Variants in KYAT1 observed in about 807,000 individuals in gnomAD.
KYAT1 encodes kynurenine aminotransferase 1.
A neutral mutation model predicts 52.4 loss-of-function variants in KYAT1; 47 were observed. That is an observed-to-expected ratio of 0.90 (90% CI 0.71 to 1.14). The LOEUF is 1.14. Ranked by LOEUF, KYAT1 falls within the 50% of genes most tolerant of loss-of-function variation. The pLI is 0.00. For missense variants in KYAT1, 480 were observed against 557.9 expected (o/e 0.86, Z 1.41); for synonymous variants, 212 against 209.6 (o/e 1.01, Z -0.10).
intron 1 of KYAT1, among the ~76,000 whole-genome samples, chr9:128,862,950 G>A (rs750304839): frequency 4.6e-5 from 7 of 151,988 alleles, no homozygotes; most frequent in African/African-American, 7.3e-5. Context: ...TCAGCCTCCC[G>A]AGTGGCTGGG....
intron 7 of KYAT1, 125 bp downstream of exon 7, chr9:128,836,677 G>A (rs976866048): frequency 1.8e-6 from 2 of 1,131,826 alleles, no homozygotes; most frequent in East Asian, 2.4e-5. Flanking sequence ...GGGAGGCAAA[G>A]GTCACAGGAT....
At chr9:128,872,515 C>T (rs1317064904) in intron 1 of KYAT1, among the ~76,000 whole-genome samples, 2 of 151,768 alleles carry the variant, frequency 1.3e-5, no homozygotes, top group East Asian at 1.9e-4. Context: ...TGCCTGTAAT[C>T]CCAGCACTTT....
chr9:128,837,032 G>A (rs2997903), intron 6 of KYAT1, 110 bp from the exon 7 acceptor site: 125,786 of 1,389,500 alleles, frequency 0.091, 5,963 homozygotes, highest in East Asian at 0.13. Flanking sequence ...GGTGGCTCAC[G>A]CCTGTAATCC....
intron 11 of KYAT1, 55 bp from the exon 12 acceptor site, chr9:128,833,881 G>T: frequency 6.9e-7 from 1 of 1,451,182 alleles, no homozygotes; most frequent in Non-Finnish European, 9.7e-7. Context: ...GCAGGCCTTG[G>T]CTCCGGAGGG....
At chr9:128,850,935 A>G (rs1833877703) in intron 1 of KYAT1, among the ~76,000 whole-genome samples, 1 of 152,244 alleles carries the variant, frequency 6.6e-6, no homozygotes, top group Admixed American at 6.5e-5. Context: ...ATGCAGGCAT[A>G]GTACCTCCCC....
At chr9:128,839,263 C>T (rs1831703972) in intron 3 of KYAT1, among the ~76,000 whole-genome samples, 1 of 152,114 alleles carries the variant, frequency 6.6e-6, no homozygotes, top group South Asian at 2.1e-4. Flanking sequence ...CGTGCCTGGC[C>T]TGATGCCCAC....
At chr9:128,870,416 C>G (rs542522534) in intron 1 of KYAT1, among the ~76,000 whole-genome samples, 13 of 152,212 alleles carry the variant, frequency 8.5e-5, no homozygotes, top group African/African-American at 3.1e-4. Flanking sequence ...GGAAGGCTGA[C>G]GTGGGAGGAT....
rs1215121665 is a variant in KYAT1 at position 128,845,339 on chromosome 9, C to A, written c.53+14G>T. 4 of 1,613,124 alleles carry A rather than the reference C, an allele frequency of 2.5e-6. No individual in the cohort carries two copies. Among genetic ancestry groups the A allele is most frequent in the Non-Finnish European group, 2.5e-6 (3 of 1,179,612 alleles). ...AGGGGACACCCACACACCTCCCCAG[C>A]CCAGCTGGCTCACCAGGGGTTGTAG... On this transcript the variant is annotated intron_variant, in intron 2 of 12. Transcript: ENST00000302586.
intron 1 of KYAT1, among the ~76,000 whole-genome samples, chr9:128,874,524 T>C (rs1408242637): frequency 6.6e-6 from 1 of 151,534 alleles, no homozygotes; most frequent in Admixed American, 6.6e-5. Flanking sequence ...TTGCTTAGGC[T>C]GATGTTGAAC....
intron 1 of KYAT1, among the ~76,000 whole-genome samples, chr9:128,854,708 G>A (rs1834384633): frequency 6.6e-6 from 1 of 152,206 alleles, no homozygotes; most frequent in African/African-American, 2.4e-5. Context: ...CTGGGCCTAT[G>A]TGCCTTTCCC....
chr9:128,865,762 A>T (rs1836284795), intron 1 of KYAT1, among the ~76,000 whole-genome samples: 1 of 152,144 alleles, frequency 6.6e-6, no homozygotes, highest in Admixed American at 6.6e-5. Context: ...AATTTGGTCC[A>T]GTGGCTCACA....
chr9:128,875,723 T>C (rs1030787000), intron 1 of KYAT1, among the ~76,000 whole-genome samples: 3 of 152,186 alleles, frequency 2.0e-5, no homozygotes, highest in Admixed American at 6.5e-5. Context: ...ATGGGGACCA[T>C]AGCTGTGCCG....
intron 1 of KYAT1, 61 bp from the exon 2 acceptor site, chr9:128,845,472 T>C (rs1038209168): frequency 1.3e-6 from 2 of 1,516,750 alleles, no homozygotes; most frequent in East Asian, 2.2e-5. Context: ...AGTCCGAGCT[T>C]GCACACAGGA....
In KYAT1 at chr9:128,855,594, A is replaced by G. The variant is rs142153391; in HGVS notation, c.-6-10183T>C. Reference sequence around the variant, plus strand: ...GTAGGAAACATAGTTATTAAACCAGATTCCCAAACTATAACCTGTGAAAAT... The same window carrying G: ...GTAGGAAACATAGTTATTAAACCAGGTTCCCAAACTATAACCTGTGAAAAT... On this transcript the variant is annotated intron_variant, in intron 1 of 12. Transcript: ENST00000302586. Among the ~76,000 whole-genome samples, 654 of 152,358 alleles carry G rather than the reference A, an allele frequency of 4.3e-3. 3 individuals carry two copies. The highest frequency in any genetic ancestry group is 0.014 in the African/African-American group (584 of 41,602).
intron 1 of KYAT1, among the ~76,000 whole-genome samples, chr9:128,856,006 TGA>T (rs1381645136): frequency 6.6e-6 from 1 of 152,212 alleles, no homozygotes; most frequent in Non-Finnish European, 1.5e-5. Flanking sequence ...GTCATTTGAA[TGA>T]GAGATAGGCT....
chr9:128,877,419 TG>T (rs1428740024), intron 1 of KYAT1, among the ~76,000 whole-genome samples: 2 of 152,154 alleles, frequency 1.3e-5, no homozygotes, highest in Non-Finnish European at 2.9e-5. Flanking sequence ...TCATCACAGC[TG>T]ATTAGGATGG....
chr9:128,835,694 T>G, intron 9 of KYAT1, 27 bp from the exon 10 acceptor site: 1 of 1,608,132 alleles, frequency 6.2e-7, no homozygotes, highest in Non-Finnish European at 8.5e-7. Flanking sequence ...GACACACAGA[T>G]AGATCAGCTG....
chr9:128,868,773 T>C lies in KYAT1; in HGVS notation c.-7+13124A>G, dbSNP rs564497788. 4.6e-4 allele frequency among the ~76,000 whole-genome samples: 70 copies of C among 151,054 alleles called. 2 individuals are homozygous for C. In the South Asian group the frequency reaches 0.014, roughly 31 times the overall value. On this transcript the variant is annotated intron_variant, in intron 1 of 12. Coordinates refer to ENST00000302586, the MANE Select transcript of KYAT1 (RefSeq NM_004059.5). ...CAGGCTAGAGTGCTGTGGCACGATC[T>C]TGGCTCACTACAACCTCTGCCTCTG...
intron 2 of KYAT1, among the ~76,000 whole-genome samples, chr9:128,843,297 A>AG (rs1832527161): frequency 6.6e-6 from 1 of 152,176 alleles, no homozygotes; most frequent in Admixed American, 6.5e-5. Flanking sequence ...CATTGAGATT[A>AG]GGTCAGTCAG....
Sources: allele counts gnomAD v4.1 joint callset (sites outside exome capture counted in the v4.1 genomes callset), GRCh38; gene constraint gnomAD v4.1.1; transcripts MANE v1.5; gene names NCBI Gene and HGNC (gene_info 2026-07-23, HGNC 2026-07-21).